Variants in NR3C2 observed in about 807,000 individuals in gnomAD.
NR3C2 encodes mineralocorticoid receptor.
A neutral mutation model predicts 86.4 loss-of-function variants in NR3C2; 15 were observed. The ratio of observed to expected loss-of-function variants is 0.17; its 90% CI spans 0.12 to 0.27. The LOEUF is 0.27. Among genes scored for constraint, NR3C2 ranks in the 10% least tolerant of loss-of-function variants. The probability of loss-of-function intolerance (pLI) is 1.00; values close to 1 mark genes in which losing one functional copy is unlikely to be tolerated. For missense variants in NR3C2, 960 were observed against 1,195.6 expected, an observed-to-expected ratio of 0.80 and a Z score of 2.91; for synonymous variants, 458 against 450.5, an observed-to-expected ratio of 1.02 and a Z score of -0.21.
intron 3 of NR3C2, among the ~76,000 whole-genome samples, chr4:148,238,052 C>A (rs939603284): frequency 1.3e-5 from 2 of 152,020 alleles, no homozygotes; most frequent in African/African-American, 4.8e-5. Context: ...TTCTTTTTTC[C>A]TAACTCATCA....
intron 6 of NR3C2, among the ~76,000 whole-genome samples, chr4:148,135,436 A>G (rs1004274409): frequency 6.6e-6 from 1 of 152,120 alleles, no homozygotes; most frequent in Non-Finnish European, 1.5e-5. Flanking sequence ...CCATCTTGGA[A>G]GGAGATGGCA....
At chr4:148,444,530 T>A (rs1044856660), upstream of NR3C2, 4 of 986,642 alleles carry the variant, frequency 4.1e-6, no homozygotes, top group East Asian at 3.4e-4. Context: ...ACTCACCTTT[T>A]CTAGGACATG....
chr4:148,401,422 C>CAA (rs1428927448), intron 2 of NR3C2, among the ~76,000 whole-genome samples: 1 of 150,554 alleles, frequency 6.6e-6, no homozygotes, highest in Admixed American at 6.6e-5. Context: ...CTAAATGATG[C>CAA]AAGCAGGAGC....
intron 4 of NR3C2, among the ~76,000 whole-genome samples, chr4:148,178,365 A>AT (rs1735479532): frequency 6.6e-6 from 1 of 151,838 alleles, no homozygotes; most frequent in South Asian, 2.1e-4. Flanking sequence ...TCCAAGAAGC[A>AT]TGAAGCTAAT....
chr4:148,250,709 T>A (rs1032539242), intron 3 of NR3C2, among the ~76,000 whole-genome samples: 3 of 152,230 alleles, frequency 2.0e-5, no homozygotes, highest in Admixed American at 6.5e-5. Flanking sequence ...TTCCTGTTTA[T>A]CCAGACTGCT....
At chr4:148,421,737 T>C (rs1220368889) in intron 2 of NR3C2, among the ~76,000 whole-genome samples, 1 of 152,130 alleles carries the variant, frequency 6.6e-6, no homozygotes, top group Non-Finnish European at 1.5e-5. Context: ...TACAGTAAAA[T>C]TGGCAAGAAT....
rs963775496 is a variant in NR3C2 at position 148,104,409 on chromosome 4, G to T, written c.2799+9695C>A. On this transcript the variant is annotated intron_variant, in intron 8 of 8. Coordinates refer to ENST00000358102, the MANE Select transcript of NR3C2 (RefSeq NM_000901.5). ...CTCCCTTGGTGTCTTGGAAGAGAAG[G>T]CTTTGCTACCAGTTAGCTGACTATG... Among the ~76,000 whole-genome samples the T allele has an allele frequency of 3.4e-5, 5 of 148,930 alleles. No individual in the cohort carries two copies. In the South Asian group the frequency reaches 1.1e-3, roughly 32 times the overall value.
intron 8 of NR3C2, among the ~76,000 whole-genome samples, chr4:148,082,788 A>G (rs1184389445): frequency 1.3e-5 from 2 of 150,420 alleles, no homozygotes; most frequent in Non-Finnish European, 2.9e-5. Context: ...GGATCCCACC[A>G]CCACGGAGCC....
At chr4:148,247,571 T>C (rs1739377938) in intron 3 of NR3C2, among the ~76,000 whole-genome samples, 1 of 151,604 alleles carries the variant, frequency 6.6e-6, no homozygotes, top group African/African-American at 2.4e-5. Flanking sequence ...CAGTAGATGA[T>C]TTAAAAAATA....
intron 2 of NR3C2, among the ~76,000 whole-genome samples, chr4:148,304,919 T>G (rs1742537007): frequency 6.6e-6 from 1 of 150,978 alleles, no homozygotes; most frequent in East Asian, 1.9e-4. Flanking sequence ...TCCTGAGAGA[T>G]TTCTTTTAAT....
intron 2 of NR3C2, among the ~76,000 whole-genome samples, chr4:148,429,965 A>G (rs1442695956): frequency 6.6e-6 from 1 of 152,224 alleles, no homozygotes; most frequent in African/African-American, 2.4e-5. Flanking sequence ...AAAAAGTACT[A>G]CTTTGCAGAA....
Position 148,434,275 on chromosome 4 carries a change from A to G in NR3C2, c.1757+829T>C, listed in dbSNP as rs61759969. Reference sequence around the variant, plus strand: ...AAAGTCCAATCCAAGTATTCACTGTATAACTTAGAACCACCCTTTATAGTC... The same window carrying G: ...AAAGTCCAATCCAAGTATTCACTGTGTAACTTAGAACCACCCTTTATAGTC... On this transcript the variant is annotated intron_variant, in intron 2 of 8. Coordinates refer to ENST00000358102, the MANE Select transcript of NR3C2 (RefSeq NM_000901.5). Among the ~76,000 whole-genome samples the G allele has an allele frequency of 3.6e-3, 541 of 152,328 alleles. 2 individuals are homozygous for G. Among genetic ancestry groups the G allele is most frequent in the Non-Finnish European group, 6.1e-3 (416 of 67,998 alleles).
At chr4:148,123,087 G>C (rs945723494) in intron 6 of NR3C2, among the ~76,000 whole-genome samples, 9 of 152,086 alleles carry the variant, frequency 5.9e-5, no homozygotes, top group African/African-American at 2.2e-4. Context: ...AATACCCTGG[G>C]GAAGGAATGC....
At chr4:148,391,739 C>T (rs1485214501) in intron 2 of NR3C2, among the ~76,000 whole-genome samples, 3 of 151,918 alleles carry the variant, frequency 2.0e-5, no homozygotes, top group African/African-American at 4.8e-5. Flanking sequence ...TGGTGATGCA[C>T]GCCTGTAATC....
At chr4:148,254,569 A>T (rs1739735811) in intron 3 of NR3C2, among the ~76,000 whole-genome samples, 1 of 152,226 alleles carries the variant, frequency 6.6e-6, no homozygotes, top group African/African-American at 2.4e-5. Flanking sequence ...AACATTTGCC[A>T]TTAGCACGAC....
chr4:148,390,213 G>A (rs1747473769), intron 2 of NR3C2, among the ~76,000 whole-genome samples: 1 of 146,478 alleles, frequency 6.8e-6, no homozygotes, highest in African/African-American at 2.5e-5. Context: ...CGGGAAATAT[G>A]ATCAGGAACC....
intron 2 of NR3C2, among the ~76,000 whole-genome samples, chr4:148,342,819 G>A (rs1744813021): frequency 1.3e-5 from 2 of 152,108 alleles, no homozygotes; most frequent in South Asian, 4.2e-4. Flanking sequence ...TACTACTTCA[G>A]TCGTTTTGTC....
At chr4:148,376,908 T>C (rs1746707532) in intron 2 of NR3C2, among the ~76,000 whole-genome samples, 1 of 152,194 alleles carries the variant, frequency 6.6e-6, no homozygotes, top group Admixed American at 6.5e-5. Flanking sequence ...AAACTCTTTT[T>C]CCTCAAAGTT....
At chr4:148,240,608 T>C (rs1579055559) in intron 3 of NR3C2, among the ~76,000 whole-genome samples, 1 of 151,834 alleles carries the variant, frequency 6.6e-6, no homozygotes, top group Non-Finnish European at 1.5e-5. Flanking sequence ...AGGGGCGGGG[T>C]CAAGGGTGAG....
Sources: gnomAD v4.1 joint callset for allele counts (sites outside exome capture counted in the v4.1 genomes callset) on GRCh38, gnomAD v4.1.1 for gene constraint, MANE v1.5 for transcripts, NCBI Gene and HGNC (gene_info 2026-07-23, HGNC 2026-07-21) for gene names.